Variants in UGT1A6 observed in about 807,000 individuals in gnomAD.
UGT1A6 encodes UDP glucuronosyltransferase family 1 member A6, also known as UDP-glucuronosyltransferase 1A6.
A neutral mutation model predicts 44.4 loss-of-function variants in UGT1A6; 32 were observed. The observed-to-expected ratio is 0.72, with a 90% CI of 0.54 to 0.97. UGT1A6 has a LOEUF of 0.97. Ranked by LOEUF, UGT1A6 falls within the 50% of genes least tolerant of loss-of-function variation. The probability of loss-of-function intolerance (pLI) is 0.00; values close to 1 mark genes in which losing one functional copy is unlikely to be tolerated. For synonymous variants in UGT1A6, 238 were observed against 248.5 expected (o/e 0.96, Z 0.40); for missense variants, 685 against 661.9 (o/e 1.03, Z -0.38).
intron 1 of UGT1A6, among the ~76,000 whole-genome samples, chr2:233,709,856 G>A (rs1334446002): frequency 1.3e-5 from 2 of 152,118 alleles, no homozygotes; most frequent in Admixed American, 6.5e-5. Flanking sequence ...TTCAAGACAC[G>A]GAGCACTCCA....
At chr2:233,770,517 G>A (rs1365458811) in intron 4 of UGT1A6, 2 of 152,204 alleles carry the variant, frequency 1.3e-5, no homozygotes, top group African/African-American at 4.8e-5. Flanking sequence ...AATTACCCAG[G>A]CATGGTGGTG....
At chr2:233,698,470 T>A (rs1004128729) in intron 1 of UGT1A6, among the ~76,000 whole-genome samples, 3 of 152,212 alleles carry the variant, frequency 2.0e-5, no homozygotes, top group Non-Finnish European at 4.4e-5. Context: ...AAGCCCTGAT[T>A]TATAGCTTAA....
At chr2:233,730,791 G>A (rs530253240) in intron 1 of UGT1A6, among the ~76,000 whole-genome samples, 3 of 152,260 alleles carry the variant, frequency 2.0e-5, no homozygotes, top group African/African-American at 7.2e-5. Context: ...TGGGGACAGT[G>A]ATGAATGGAC....
chr2:233,721,385 T>G (rs1270224994), intron 1 of UGT1A6: 1 of 152,820 alleles, frequency 6.5e-6, no homozygotes, highest in Admixed American at 6.5e-5. Context: ...TTCACTCTCA[T>G]TTTTCTAGCT....
In UGT1A6 at chr2:233,747,740, TC is replaced by T. The variant is rs1007845310; in HGVS notation, c.862-19292del. On this transcript the variant is annotated intron_variant, in intron 1 of 4. Coordinates refer to ENST00000305139, the MANE Select transcript of UGT1A6 (RefSeq NM_001072.4). The stretch of plus-strand genomic sequence containing the variant: ...CTGCTGTGTTTTTTTTGAGGAACAT[TC>T]CATGTGATTTAGACTTTAAGGGCAC... 68 of 1,613,430 alleles carry T rather than the reference TC, an allele frequency of 4.2e-5. No individual in the cohort carries two copies. In the Admixed American group the frequency reaches 1.1e-3, roughly 27 times the overall value.
intron 1 of UGT1A6, chr2:233,747,921 G>C: frequency 6.2e-7 from 1 of 1,613,394 alleles, no homozygotes; most frequent in Non-Finnish European, 8.5e-7. Flanking sequence ...CCTTGCCTCT[G>C]AGCTTTTTCA....
intron 1 of UGT1A6, among the ~76,000 whole-genome samples, chr2:233,711,879 A>G (rs2076201589): frequency 6.6e-6 from 1 of 152,226 alleles, no homozygotes; most frequent in Non-Finnish European, 1.5e-5. Context: ...TTTCTGGAGC[A>G]GGACGAGTCT....
At chr2:233,718,969 A>G (rs2076707871) in intron 1 of UGT1A6, 4 of 1,614,166 alleles carry the variant, frequency 2.5e-6, no homozygotes, top group Non-Finnish European at 3.4e-6. Context: ...GCCTTGCGGG[A>G]GCTCCATGCC....
At chr2:233,753,783 C>T (rs544247097) in intron 1 of UGT1A6, 5 of 152,330 alleles carry the variant, frequency 3.3e-5, no homozygotes, top group Non-Finnish European at 4.4e-5. Context: ...CTTTTCTTTA[C>T]ATTTCCAGGA....
intron 1 of UGT1A6, among the ~76,000 whole-genome samples, chr2:233,749,534 G>A (rs1161512462): frequency 6.6e-6 from 1 of 151,852 alleles, no homozygotes; most frequent in Non-Finnish European, 1.5e-5. Flanking sequence ...ATTTTCGAGT[G>A]TGGTAAAGAA....
intron 1 of UGT1A6, chr2:233,754,464 GA>G (rs1321314205): frequency 8.4e-6 from 3 of 356,342 alleles, no homozygotes; most frequent in African/African-American, 2.1e-5. Context: ...CAGCTGTTCT[GA>G]AAGTAAAGTT....
chr2:233,765,493 A>G (rs1698849482), intron 1 of UGT1A6, among the ~76,000 whole-genome samples: 1 of 152,138 alleles, frequency 6.6e-6, no homozygotes, highest in African/African-American at 2.4e-5. Context: ...ATCCTCCACA[A>G]ACTAACACAG....
At chr2:233,729,770 T>C in intron 1 of UGT1A6, 1 of 1,613,988 alleles carries the variant, frequency 6.2e-7, no homozygotes, top group South Asian at 1.1e-5. Flanking sequence ...AAGAACATGC[T>C]CTACCCTCTG....
At chr2:233,713,253 G>A (rs1357928110) in intron 1 of UGT1A6, 11 of 1,614,108 alleles carry the variant, frequency 6.8e-6, no homozygotes, top group Middle Eastern at 1.6e-4. Context: ...GACCCAGGAC[G>A]AATTTGATCG....
At chr2:233,756,346 C>T (rs1696189939) in intron 1 of UGT1A6, 1 of 152,136 alleles carries the variant, frequency 6.6e-6, no homozygotes, top group South Asian at 2.1e-4. Context: ...CTCTTGATTA[C>T]TTTTACCTAA....
intron 1 of UGT1A6, chr2:233,708,495 T>C (rs1421697403): frequency 6.6e-6 from 1 of 152,212 alleles, no homozygotes; most frequent in Admixed American, 6.5e-5. Context: ...CTCATGCTTA[T>C]AATCCCAGCA....
At chr2:233,730,985 T>C (rs766907684) in intron 1 of UGT1A6, among the ~76,000 whole-genome samples, 61 of 152,340 alleles carry the variant, frequency 4.0e-4, no homozygotes, top group Admixed American at 5.9e-4. Flanking sequence ...TATTGTTTCT[T>C]ATTCCTTGCT....
intron 1 of UGT1A6, among the ~76,000 whole-genome samples, chr2:233,712,745 T>TC (rs5839490): frequency 0.1 from 15,409 of 149,766 alleles, 901 homozygotes; most frequent in East Asian, 0.2. Context: ...ACTTGGATGT[T>TC]CCCCAGAGCG....
At chr2:233,762,567 G>A (rs1279617671) in intron 1 of UGT1A6, among the ~76,000 whole-genome samples, 2 of 152,176 alleles carry the variant, frequency 1.3e-5, no homozygotes, top group Non-Finnish European at 2.9e-5. Flanking sequence ...ATCTAGTCTA[G>A]TTCCCCACAG....
Sources: allele counts gnomAD v4.1 joint callset (sites outside exome capture counted in the v4.1 genomes callset), GRCh38; gene constraint gnomAD v4.1.1; transcripts MANE v1.5; gene names NCBI Gene and HGNC (gene_info 2026-07-23, HGNC 2026-07-21).